The following KCNIP4 variants were observed in gnomAD, a reference collection of about 807,000 sequenced individuals.
The protein encoded by KCNIP4 is Kv channel-interacting protein 4.
KCNIP4 carries 12 observed loss-of-function variants against 34.0 expected under a neutral mutation model. The ratio of observed to expected loss-of-function variants is 0.35; its 90% CI spans 0.23 to 0.57. The LOEUF (loss-of-function observed/expected upper bound fraction) is 0.57. Among genes scored for constraint, KCNIP4 ranks in the 20% least tolerant of loss-of-function variants. The probability of loss-of-function intolerance (pLI) is 0.83; values close to 1 mark genes in which losing one functional copy is unlikely to be tolerated. For synonymous variants in KCNIP4, 124 were observed against 102.2 expected (o/e 1.21, Z -1.29); for missense variants, 238 against 311.7 (o/e 0.76, Z 1.78).
intron 1 of KCNIP4, among the ~76,000 whole-genome samples, chr4:21,437,878 CAAGTGTGTGT>C (rs1727085254): frequency 1.7e-5 from 2 of 115,376 alleles, no homozygotes; most frequent in African/African-American, 3.3e-5. Flanking sequence ...TTTTATTTTA[CAAGTGTGTGT>C]GTGTGTGTGT....
At chr4:21,104,309 C>A (rs893278241) in intron 1 of KCNIP4, among the ~76,000 whole-genome samples, 5 of 152,100 alleles carry the variant, frequency 3.3e-5, no homozygotes, top group African/African-American at 1.2e-4. Flanking sequence ...GATGGTATCT[C>A]ATTGTGGTTT....
intron 1 of KCNIP4, among the ~76,000 whole-genome samples, chr4:21,484,328 G>A (rs1012025418): frequency 3.3e-5 from 5 of 152,048 alleles, no homozygotes; most frequent in Non-Finnish European, 4.4e-5. Flanking sequence ...TCAGGAGGCT[G>A]AGGCAGGAGA....
intron 1 of KCNIP4, among the ~76,000 whole-genome samples, chr4:20,899,092 C>T (rs1726877421): frequency 6.6e-6 from 1 of 152,142 alleles, no homozygotes; most frequent in South Asian, 2.1e-4. Context: ...ATTTAATGAT[C>T]AATACTTAGG....
chr4:21,781,940 A>G (rs945048917), intron 1 of KCNIP4, among the ~76,000 whole-genome samples: 3 of 152,168 alleles, frequency 2.0e-5, no homozygotes, highest in African/African-American at 7.2e-5. Flanking sequence ...CTAGAAAACC[A>G]ACAGGAAAGG....
At chr4:21,764,270 A>C (rs1476247469) in intron 1 of KCNIP4, among the ~76,000 whole-genome samples, 1 of 152,024 alleles carries the variant, frequency 6.6e-6, no homozygotes, top group Non-Finnish European at 1.5e-5. Context: ...AGGGAGACAA[A>C]CTTTGAAGTT....
intron 5 of KCNIP4, among the ~76,000 whole-genome samples, chr4:20,741,839 G>A (rs1404615097): frequency 1.3e-5 from 2 of 151,988 alleles, no homozygotes; most frequent in Non-Finnish European, 2.9e-5. Context: ...TAATAAAGAA[G>A]AAAAGAGAGA....
At chr4:21,848,812 T>C (rs1322632738) in intron 1 of KCNIP4, 1 of 151,978 alleles carries the variant, frequency 6.6e-6, no homozygotes, top group Non-Finnish European at 1.5e-5. Context: ...TGCAATCAGG[T>C]TGTGGCTGGG....
chr4:21,111,243 G>A (rs1173102879), intron 1 of KCNIP4, among the ~76,000 whole-genome samples: 3 of 152,138 alleles, frequency 2.0e-5, no homozygotes, highest in South Asian at 2.1e-4. Flanking sequence ...AAGAGAGAAC[G>A]AAAGAATTGA....
intron 1 of KCNIP4, among the ~76,000 whole-genome samples, chr4:21,834,315 G>C (rs1371246750): frequency 6.6e-6 from 1 of 152,126 alleles, no homozygotes; most frequent in Non-Finnish European, 1.5e-5. Context: ...CACATCCCTT[G>C]TAAGTTGGAT....
intron 1 of KCNIP4, among the ~76,000 whole-genome samples, chr4:21,032,810 A>G (rs139806601): frequency 1.5e-3 from 228 of 152,032 alleles, no homozygotes; most frequent in African/African-American, 2.3e-3. Flanking sequence ...TTGTCATTAC[A>G]TGTAATCAAG....
rs148677110 is a variant in KCNIP4 at position 21,367,865 on chromosome 4, A to G, written c.62-485156T>C. ...AGGATTTGCAATATGACATCTTTCC[A>G]TGTCTGCTGTATTTGATTCGAGATA... On this transcript the variant is annotated intron_variant, in intron 1 of 8. Transcript: ENST00000382152. 2.1e-3 allele frequency among the ~76,000 whole-genome samples: 309 copies of G among 147,788 alleles called. 61 individuals are homozygous for G. Among genetic ancestry groups the G allele is most frequent in the African/African-American group, 8.1e-3 (302 of 37,370 alleles).
In KCNIP4 at chr4:21,085,498, T is replaced by C. The variant is rs1349403069; in HGVS notation, c.62-202789A>G. Among the ~76,000 whole-genome samples, 5 of 152,240 alleles carry C rather than the reference T, an allele frequency of 3.3e-5. No individual in the cohort carries two copies. The South Asian group carries it at 1.0e-3, about 32-fold the overall frequency. On this transcript the variant is annotated intron_variant, in intron 1 of 8. Transcript: ENST00000382152. The stretch of plus-strand genomic sequence containing the variant: ...TTCATTATTTCATATGTATTTCTCA[T>C]GGCTTTTTGAAATCACCAGACAATT...
intron 1 of KCNIP4, among the ~76,000 whole-genome samples, chr4:20,937,363 T>C (rs922644022): frequency 2.7e-5 from 4 of 147,058 alleles, no homozygotes; most frequent in Non-Finnish European, 6.0e-5. Flanking sequence ...GCCTCCCAAA[T>C]AGCTGGGACT....
intron 1 of KCNIP4, among the ~76,000 whole-genome samples, chr4:21,632,811 G>A (rs1745858015): frequency 6.6e-6 from 1 of 152,148 alleles, no homozygotes; most frequent in South Asian, 2.1e-4. Context: ...GTAAAGTAAT[G>A]TCAGCTAAAT....
chr4:21,264,763 G>T (rs1400987862), intron 1 of KCNIP4, among the ~76,000 whole-genome samples: 1 of 152,074 alleles, frequency 6.6e-6, no homozygotes, highest in African/African-American at 2.4e-5. Flanking sequence ...TGGCGAGAAG[G>T]TGCAAAAACC....
chr4:21,727,918 C>T (rs1014114626), intron 1 of KCNIP4, among the ~76,000 whole-genome samples: 1 of 152,112 alleles, frequency 6.6e-6, no homozygotes, highest in African/African-American at 2.4e-5. Context: ...TACACACAAG[C>T]CACGACCTAA....
chr4:21,554,522 G>C (rs1738832541), intron 1 of KCNIP4, among the ~76,000 whole-genome samples: 1 of 152,094 alleles, frequency 6.6e-6, no homozygotes, highest in African/African-American at 2.4e-5. Flanking sequence ...AAAACACCAA[G>C]AGCAATTCTT....
chr4:21,017,568 C>T (rs948902299), intron 1 of KCNIP4, among the ~76,000 whole-genome samples: 2 of 152,160 alleles, frequency 1.3e-5, no homozygotes, highest in Non-Finnish European at 2.9e-5. Flanking sequence ...GTCTGTACCA[C>T]ATTTTCTTTA....
At chr4:21,203,693 A>G (rs1756650561) in intron 1 of KCNIP4, among the ~76,000 whole-genome samples, 1 of 152,180 alleles carries the variant, frequency 6.6e-6, no homozygotes, top group African/African-American at 2.4e-5. Flanking sequence ...GCAAGTAATC[A>G]CACATCCTTC....
Sources: gnomAD v4.1 joint callset for allele counts (sites outside exome capture counted in the v4.1 genomes callset) on GRCh38, gnomAD v4.1.1 for gene constraint, MANE v1.5 for transcripts, NCBI Gene and HGNC (gene_info 2026-07-23, HGNC 2026-07-21) for gene names.